The following COL21A1 variants were observed in gnomAD, a reference collection of about 807,000 sequenced individuals.
COL21A1 encodes the protein collagen alpha-1(XXI) chain.
A neutral mutation model predicts 137.9 loss-of-function variants in COL21A1; 149 were observed. That is an observed-to-expected ratio of 1.08 (90% CI 0.95 to 1.24). COL21A1 has a LOEUF of 1.24. COL21A1 is among the 50% of genes most tolerant of loss of function. The pLI, the probability that COL21A1 is intolerant of heterozygous loss-of-function variation, is 0.00. For synonymous variants in COL21A1, 456 were observed against 391.5 expected (o/e 1.16, Z -1.95); for missense variants, 1,167 against 1,158.4 (o/e 1.01, Z -0.11).
chr6:56,134,239 G>A (rs912737734), intron 12 of COL21A1, among the ~76,000 whole-genome samples: 1 of 152,188 alleles, frequency 6.6e-6, no homozygotes, highest in Non-Finnish European at 1.5e-5. Context: ...AGCATGACCT[G>A]GATGTAAGAC....
At chr6:56,292,128 T>A (rs1764060489) in intron 1 of COL21A1, among the ~76,000 whole-genome samples, 2 of 152,046 alleles carry the variant, frequency 1.3e-5, no homozygotes, top group Admixed American at 1.3e-4. Flanking sequence ...GAGATCACAC[T>A]ACTGCACTCC....
At chr6:56,121,868 T>A (rs999246185) in intron 16 of COL21A1, among the ~76,000 whole-genome samples, 1 of 151,690 alleles carries the variant, frequency 6.6e-6, no homozygotes, top group Admixed American at 6.6e-5. Flanking sequence ...TTCATGAATG[T>A]TTCCATTAAA....
chr6:56,358,836 C>A (rs943785236), intron 1 of COL21A1, among the ~76,000 whole-genome samples: 2 of 152,014 alleles, frequency 1.3e-5, no homozygotes, highest in East Asian at 1.9e-4. Flanking sequence ...TGAAAATGCA[C>A]GTTATGGTCA....
At chr6:56,195,870 T>G (rs1475092674) in intron 1 of COL21A1, among the ~76,000 whole-genome samples, 2 of 152,058 alleles carry the variant, frequency 1.3e-5, no homozygotes, top group African/African-American at 4.8e-5. Context: ...TACTTCAAAC[T>G]CATTTTATGA....
chr6:56,194,201 T>C (rs1159103567), intron 1 of COL21A1, among the ~76,000 whole-genome samples: 2 of 152,206 alleles, frequency 1.3e-5, no homozygotes, highest in East Asian at 3.8e-4. Flanking sequence ...TTCATTCAGA[T>C]TTTTTGGGCA....
chr6:56,085,713 C>G (rs1768181920), intron 17 of COL21A1, among the ~76,000 whole-genome samples: 1 of 151,896 alleles, frequency 6.6e-6, no homozygotes, highest in Non-Finnish European at 1.5e-5. Flanking sequence ...CATTAAAAAT[C>G]TAGTTTCTTG....
At chr6:56,292,012 C>T (rs1049791228) in intron 1 of COL21A1, among the ~76,000 whole-genome samples, 11 of 151,926 alleles carry the variant, frequency 7.2e-5, no homozygotes, top group Non-Finnish European at 5.9e-5. Context: ...CTGCTAAAAA[C>T]ACAAAAATTA....
chr6:56,059,618 G>A (rs1171067126), intron 28 of COL21A1, among the ~76,000 whole-genome samples: 1 of 151,972 alleles, frequency 6.6e-6, no homozygotes, highest in African/African-American at 2.4e-5. Context: ...GAAATTCTGG[G>A]CTATTAGGAA....
At chr6:56,300,973 A>G (rs760474779) in intron 1 of COL21A1, among the ~76,000 whole-genome samples, 4 of 152,154 alleles carry the variant, frequency 2.6e-5, no homozygotes, top group Non-Finnish European at 5.9e-5. Flanking sequence ...GTGGTATGAA[A>G]GCCACAGTTT....
chr6:56,114,977 G>A (rs1463225222), intron 16 of COL21A1, among the ~76,000 whole-genome samples: 3 of 151,444 alleles, frequency 2.0e-5, no homozygotes, highest in Non-Finnish European at 4.4e-5. Context: ...TATACACCAT[G>A]GAATACTATG....
At chr6:56,176,826 GA>G (rs1174756575) in intron 3 of COL21A1, among the ~76,000 whole-genome samples, 1 of 145,282 alleles carries the variant, frequency 6.9e-6, no homozygotes, top group Non-Finnish European at 1.5e-5. Flanking sequence ...ATATGAGGGG[GA>G]AAGAGAAAAA....
At chr6:56,159,798 AATCTCTATC>A (rs1776059314) in intron 9 of COL21A1, among the ~76,000 whole-genome samples, 1 of 152,190 alleles carries the variant, frequency 6.6e-6, no homozygotes, top group Non-Finnish European at 1.5e-5. Flanking sequence ...GACAGGGTTT[AATCTCTATC>A]ATCATCAGGC....
At chr6:56,270,264 C>T (rs1763494413) in intron 1 of COL21A1, among the ~76,000 whole-genome samples, 1 of 152,174 alleles carries the variant, frequency 6.6e-6, no homozygotes, top group African/African-American at 2.4e-5. Context: ...GCAGAGATTG[C>T]TATTCTTATG....
intron 17 of COL21A1, among the ~76,000 whole-genome samples, chr6:56,098,636 TAA>T (rs1429844799): frequency 0.024 from 595 of 24,464 alleles, 164 homozygotes; most frequent in Non-Finnish European, 0.032. Flanking sequence ...AATATATATA[TAA>T]ATATATATAA....
At position 56,131,461 on chromosome 6, in the gene COL21A1, T is replaced by C. The variant is rs758375176; in HGVS notation, c.1543-5312A>G. Among the ~76,000 whole-genome samples, 109 of 151,866 alleles carry C rather than the reference T, an allele frequency of 7.2e-4. 1 individual carries two copies. Among genetic ancestry groups the C allele is most frequent in the Admixed American group, 5.3e-4 (8 of 15,236 alleles). On this transcript the variant is annotated intron_variant, in intron 12 of 29. Coordinates refer to ENST00000244728, the MANE Select transcript of COL21A1 (RefSeq NM_030820.4). Reference sequence around the variant, plus strand: ...GGGAGATACAATTGTTTTTCTCATCTCTAATGTAATGGTGAATGCTTTTAA... The same window carrying C: ...GGGAGATACAATTGTTTTTCTCATCCCTAATGTAATGGTGAATGCTTTTAA...
intron 1 of COL21A1, among the ~76,000 whole-genome samples, chr6:56,298,410 A>T (rs1007443554): frequency 2.0e-5 from 3 of 152,144 alleles, no homozygotes; most frequent in African/African-American, 7.2e-5. Context: ...TCACTGAAAC[A>T]GTAAGAGCAG....
intron 9 of COL21A1, among the ~76,000 whole-genome samples, chr6:56,158,465 G>A (rs180951647): frequency 2.0e-5 from 3 of 151,464 alleles, no homozygotes; most frequent in Admixed American, 6.6e-5. Flanking sequence ...TAGAGGTGGG[G>A]TCTCATATGT....
At chr6:56,256,133 A>G (rs1782965859) in intron 1 of COL21A1, among the ~76,000 whole-genome samples, 1 of 152,218 alleles carries the variant, frequency 6.6e-6, no homozygotes, top group Admixed American at 6.5e-5. Context: ...CAAAGAAATA[A>G]GGTTCTCTAG....
intron 1 of COL21A1, among the ~76,000 whole-genome samples, chr6:56,334,274 T>C (rs944902472): frequency 9.9e-5 from 15 of 152,020 alleles, no homozygotes; most frequent in Non-Finnish European, 7.4e-5. Context: ...ACTGGGAACG[T>C]AGAAACCCAA....
Sources: allele counts gnomAD v4.1 joint callset (sites outside exome capture counted in the v4.1 genomes callset), GRCh38; gene constraint gnomAD v4.1.1; transcripts MANE v1.5; gene names NCBI Gene and HGNC (gene_info 2026-07-23, HGNC 2026-07-21).